RBFOX1: variants seen among roughly 807,000 people sequenced by gnomAD.
RBFOX1 encodes RNA binding protein fox-1 homolog 1.
RBFOX1 carries 8 observed loss-of-function variants against 57.7 expected under a neutral mutation model. The observed-to-expected ratio is 0.14, with a 90% confidence interval of 0.08 to 0.25. RBFOX1 has a LOEUF of 0.25. RBFOX1 is among the 10% of genes least tolerant of loss of function. RBFOX1 has a pLI of 1.00. For missense variants in RBFOX1, 611 were observed against 548.5 expected, an observed-to-expected ratio of 1.11 and a Z score of -1.14; for synonymous variants, 326 against 222.4, an observed-to-expected ratio of 1.47 and a Z score of -4.15.
At chr16:6,312,922 C>T (rs2152767037) in intron 1 of RBFOX1, among the ~76,000 whole-genome samples, 1 of 152,232 alleles carries the variant, frequency 6.6e-6, no homozygotes, top group South Asian at 2.1e-4. Context: ...GACAGGCAAA[C>T]TTTCATCAAA....
At chr16:6,234,133 A>C (rs542387996) in intron 1 of RBFOX1, among the ~76,000 whole-genome samples, 1 of 152,244 alleles carries the variant, frequency 6.6e-6, no homozygotes, top group South Asian at 2.1e-4. Flanking sequence ...TGTATGAACC[A>C]GTCACCTCTT....
At chr16:6,208,373 T>G (rs1479334297) in intron 1 of RBFOX1, among the ~76,000 whole-genome samples, 1 of 152,118 alleles carries the variant, frequency 6.6e-6, no homozygotes, top group Non-Finnish European at 1.5e-5. Flanking sequence ...GGGAAGAGTA[T>G]TTTGTCAGGG....
rs536381536 is a variant in RBFOX1, at chr16:5,503,656, T to G, written c.258+36402T>G. Among the ~76,000 whole-genome samples, 318 of 152,246 alleles carry G rather than the reference T, an allele frequency of 2.1e-3. 2 individuals are homozygous for G. The highest frequency in any genetic ancestry group is 3.2e-3 in the Admixed American group (49 of 15,302). Reference sequence around the variant, plus strand: ...ATGAGGTTTCCCCATGTTGGTCAGGTTGGTCTTGAACTCCTGACCTGAGGT... The same window carrying G: ...ATGAGGTTTCCCCATGTTGGTCAGGGTGGTCTTGAACTCCTGACCTGAGGT... On this transcript the variant is annotated intron_variant, in intron 2 of 2. Transcript: ENST00000585867.
intron 4 of RBFOX1, among the ~76,000 whole-genome samples, chr16:7,098,095 G>C (rs866172652): frequency 6.6e-6 from 1 of 152,312 alleles, no homozygotes; most frequent in Middle Eastern, 3.4e-3. Context: ...ACAGGCAAGT[G>C]GTACAAGTGA....
intron 4 of RBFOX1, among the ~76,000 whole-genome samples, chr16:5,943,195 T>C (rs1049616590): frequency 6.6e-6 from 1 of 152,210 alleles, no homozygotes; most frequent in Non-Finnish European, 1.5e-5. Context: ...GTGTAGCCCC[T>C]GGAGCACCTG....
chr16:5,678,630 A>G (rs979387987), intron 3 of RBFOX1, among the ~76,000 whole-genome samples: 3 of 152,082 alleles, frequency 2.0e-5, no homozygotes, highest in Non-Finnish European at 2.9e-5. Context: ...ACAGGAATCT[A>G]TTATGCGGCG....
chr16:7,498,324 T>C (rs1310578462), intron 4 of RBFOX1, among the ~76,000 whole-genome samples: 1 of 152,154 alleles, frequency 6.6e-6, no homozygotes, highest in Non-Finnish European at 1.5e-5. Flanking sequence ...GCTCTATTAA[T>C]GAACTAGCTA....
At position 6,940,501 on chromosome 16, in the gene RBFOX1, G is replaced by A. The variant is rs373493775; in HGVS notation, c.-15-111556G>A. Among the ~76,000 whole-genome samples the A allele has an allele frequency of 3.3e-5, 5 of 152,304 alleles. No individual in the cohort carries two copies. In the East Asian group the frequency reaches 5.8e-4, roughly 18 times the overall value. ...TAATTTAGGTAAATATTGATGAAGG[G>A]AAGAATAATTCTCTATACTTTGAAT... On this transcript the variant is annotated intron_variant, in intron 3 of 15. Coordinates refer to ENST00000550418, the MANE Select transcript of RBFOX1 (RefSeq NM_018723.4).
At chr16:5,285,306 CTTT>C (rs2063365698) in intron 1 of RBFOX1, among the ~76,000 whole-genome samples, 1 of 152,066 alleles carries the variant, frequency 6.6e-6, no homozygotes, top group African/African-American at 2.4e-5. Flanking sequence ...GTGTTTGGTT[CTTT>C]GTTATGCTGT....
intron 1 of RBFOX1, among the ~76,000 whole-genome samples, chr16:5,391,885 G>A (rs1490271956): frequency 1.6e-5 from 2 of 121,258 alleles, no homozygotes; most frequent in Admixed American, 7.8e-5. Flanking sequence ...GTGTGTGTGT[G>A]TGTATACACA....
At chr16:7,217,040 C>CCTCTCT (rs1307962692) in intron 4 of RBFOX1, among the ~76,000 whole-genome samples, 1 of 118,414 alleles carries the variant, frequency 8.4e-6, no homozygotes, top group Non-Finnish European at 1.8e-5. Flanking sequence ...TCCCTCCCTC[C>CCTCTCT]CTCCCTCCCT....
intron 3 of RBFOX1, among the ~76,000 whole-genome samples, chr16:6,858,803 G>C (rs1392975741): frequency 1.3e-5 from 2 of 151,924 alleles, no homozygotes; most frequent in African/African-American, 4.8e-5. Flanking sequence ...TTAGAGCAGT[G>C]GCATTCGCCT....
At position 5,880,288 on chromosome 16, in the gene RBFOX1, G is replaced by A. The variant is rs565335550; in HGVS notation, c.351+12953G>A. On this transcript the variant is annotated intron_variant, in intron 4 of 19. Coordinates refer to the RBFOX1 transcript ENST00000641259. ...GCATTCACCCCAAAATCTGACTCCA[G>A]TACCTCCACTGGTTTTTTGCCTCCC... Among the ~76,000 whole-genome samples, 49 of 152,274 alleles carry A rather than the reference G, an allele frequency of 3.2e-4. 2 individuals carry two copies. In the South Asian group the frequency reaches 9.1e-3, roughly 28 times the overall value.
chr16:6,365,601 T>G (rs923166748), intron 2 of RBFOX1, among the ~76,000 whole-genome samples: 1 of 152,194 alleles, frequency 6.6e-6, no homozygotes, highest in Non-Finnish European at 1.5e-5. Context: ...ATATGCTATC[T>G]TTTTTTGTGG....
intron 3 of RBFOX1, among the ~76,000 whole-genome samples, chr16:7,040,019 T>C (rs58112354): frequency 0.094 from 14,232 of 150,748 alleles, 1,099 homozygotes; most frequent in East Asian, 0.32. Context: ...TTATTATTAT[T>C]ATCATTATTA....
intron 3 of RBFOX1, among the ~76,000 whole-genome samples, chr16:6,931,616 A>G (rs1003797986): frequency 2.0e-5 from 3 of 152,030 alleles, no homozygotes; most frequent in Admixed American, 1.3e-4. Flanking sequence ...AACCACCACA[A>G]TGCTTTGTCT....
At chr16:7,200,455 T>C (rs1028382484) in intron 4 of RBFOX1, among the ~76,000 whole-genome samples, 1 of 152,178 alleles carries the variant, frequency 6.6e-6, no homozygotes, top group South Asian at 2.1e-4. Context: ...CACCTCTATT[T>C]ATGGTGTGCC....
intron 1 of RBFOX1, among the ~76,000 whole-genome samples, chr16:6,234,302 G>A (rs559089247): frequency 1.8e-4 from 27 of 152,254 alleles, no homozygotes; most frequent in African/African-American, 5.3e-4. Context: ...CTATCGAAAA[G>A]CAAGTATCTC....
intron 2 of RBFOX1, among the ~76,000 whole-genome samples, chr16:5,469,897 A>G (rs527426556): frequency 1.3e-5 from 2 of 152,274 alleles, no homozygotes; most frequent in South Asian, 4.1e-4. Context: ...CCATTCATCT[A>G]GGGGTGGAAA....
Sources: gnomAD v4.1 joint callset for allele counts (sites outside exome capture counted in the v4.1 genomes callset) on GRCh38, gnomAD v4.1.1 for gene constraint, MANE v1.5 for transcripts, NCBI Gene and HGNC (gene_info 2026-07-23, HGNC 2026-07-21) for gene names.